The following NRG1 variants were observed in gnomAD, a reference collection of about 807,000 sequenced individuals.
NRG1 encodes pro-neuregulin-1, membrane-bound isoform.
In NRG1, 18 loss-of-function variants were observed where a neutral mutation model predicts 63.8. That is an observed-to-expected ratio of 0.28 (90% CI 0.19 to 0.42). The LOEUF (loss-of-function observed/expected upper bound fraction) is 0.42. NRG1 is among the 10% of genes least tolerant of loss of function. The pLI is 1.00. For missense variants in NRG1, 762 were observed against 814.7 expected, an observed-to-expected ratio of 0.94 and a Z score of 0.79; for synonymous variants, 302 against 301.3, an observed-to-expected ratio of 1.00 and a Z score of -0.02.
At chr8:32,461,640 C>T (rs1022308895) in intron 1 of NRG1, among the ~76,000 whole-genome samples, 4 of 152,082 alleles carry the variant, frequency 2.6e-5, no homozygotes, top group Non-Finnish European at 4.4e-5. Context: ...TGAAATGACT[C>T]TAGATCATGC....
Position 32,589,422 on chromosome 8 carries a change from G to A in NRG1, c.101-6406G>A, listed in dbSNP as rs114760998. Among the ~76,000 whole-genome samples, 502 of 152,322 alleles carry A rather than the reference G, an allele frequency of 3.3e-3. 4 individuals are homozygous for A. Among genetic ancestry groups the A allele is most frequent in the African/African-American group, 0.012 (482 of 41,586 alleles). ...TTAGCTAACATAATTGTCAGTCACC[G>A]GTTGTCACTGTGGGATCTGCACATA... On this transcript the variant is annotated intron_variant, in intron 1 of 11. Coordinates refer to ENST00000356819, the Ensembl canonical transcript of NRG1.
intron 1 of NRG1, among the ~76,000 whole-genome samples, chr8:32,113,626 A>G (rs550173747): frequency 2.0e-4 from 30 of 152,310 alleles, no homozygotes; most frequent in African/African-American, 7.0e-4. Flanking sequence ...AGAATCTGAT[A>G]TAAGTGTCTA....
intron 6 of NRG1, among the ~76,000 whole-genome samples, chr8:32,730,309 C>T (rs943029100): frequency 1.3e-5 from 2 of 151,938 alleles, no homozygotes; most frequent in Admixed American, 1.3e-4. Flanking sequence ...AATAATTAGC[C>T]GGGCATGGTG....
chr8:32,705,622 T>C (rs866809572), intron 5 of NRG1, among the ~76,000 whole-genome samples: 2 of 152,218 alleles, frequency 1.3e-5, no homozygotes, highest in African/African-American at 4.8e-5. Context: ...TACTAGTTGA[T>C]GAATTCGAAT....
intron 1 of NRG1, among the ~76,000 whole-genome samples, chr8:32,058,950 A>C (rs946981006): frequency 2.6e-5 from 4 of 152,052 alleles, no homozygotes; most frequent in Admixed American, 6.6e-5. Flanking sequence ...TTCTGCTAAA[A>C]ATACAATCAT....
At chr8:31,997,936 ATAAG>A (rs1812282361) in intron 1 of NRG1, among the ~76,000 whole-genome samples, 1 of 152,032 alleles carries the variant, frequency 6.6e-6, no homozygotes, top group Admixed American at 6.6e-5. Flanking sequence ...AATAAATGGA[ATAAG>A]TAAGTCTCAA....
At chr8:32,507,026 C>G (rs1254551850) in intron 1 of NRG1, among the ~76,000 whole-genome samples, 1 of 152,120 alleles carries the variant, frequency 6.6e-6, no homozygotes, top group Non-Finnish European at 1.5e-5. Context: ...TCCAAAGACT[C>G]TACTTTAGGG....
chr8:31,665,711 A>AT (rs201074869), intron 1 of NRG1, among the ~76,000 whole-genome samples: 129 of 152,020 alleles, frequency 8.5e-4, no homozygotes, highest in African/African-American at 2.8e-3. Context: ...CATAGGCTTT[A>AT]TTTTTTTTAA....
At chr8:32,356,465 C>T (rs1355880708) in intron 1 of NRG1, among the ~76,000 whole-genome samples, 1 of 143,370 alleles carries the variant, frequency 7.0e-6, no homozygotes, top group African/African-American at 2.7e-5. Context: ...ACAGAGTTTC[C>T]TTGTTGGGAC....
chr8:32,115,072 C>T (rs1422087460), intron 1 of NRG1, among the ~76,000 whole-genome samples: 1 of 151,806 alleles, frequency 6.6e-6, no homozygotes, highest in African/African-American at 2.4e-5. Context: ...GCTCTGTTGC[C>T]CAGGCTGGAG....
chr8:31,804,030 T>A (rs2131735269), intron 1 of NRG1, among the ~76,000 whole-genome samples: 1 of 152,300 alleles, frequency 6.6e-6, no homozygotes, highest in Non-Finnish European at 1.5e-5. Flanking sequence ...CATTACCCTA[T>A]TTTTTCATAG....
intron 1 of NRG1, among the ~76,000 whole-genome samples, chr8:32,205,702 G>A (rs1490772727): frequency 6.6e-6 from 1 of 152,154 alleles, no homozygotes; most frequent in Admixed American, 6.5e-5. Flanking sequence ...ACTTGCTACT[G>A]CTAAAGATAT....
rs539067504 is a variant in NRG1, at chr8:32,393,906, A to T, written c.38-201922A>T. 2.0e-5 allele frequency among the ~76,000 whole-genome samples: 3 copies of T among 152,244 alleles called. No individual in the cohort carries two copies. The South Asian group carries it at 6.2e-4, about 32-fold the overall frequency. Reference sequence around the variant, plus strand: ...AAATAAAAGTTTAAATAAATAAATAAACTTGGTCTCCAGTGTTAAATATGA... The same window carrying T: ...AAATAAAAGTTTAAATAAATAAATATACTTGGTCTCCAGTGTTAAATATGA... On this transcript the variant is annotated intron_variant, in intron 1 of 10. Transcript: ENST00000519301.
chr8:31,655,284 CA>C, intron 1 of NRG1, among the ~76,000 whole-genome samples: 2 of 152,194 alleles, frequency 1.3e-5, no homozygotes, highest in Admixed American at 1.3e-4. Flanking sequence ...AGAAGATAGG[CA>C]AAAGGGTTAC....
chr8:32,300,955 A>G (rs1372269596), intron 1 of NRG1, among the ~76,000 whole-genome samples: 2 of 152,228 alleles, frequency 1.3e-5, no homozygotes, highest in East Asian at 3.8e-4. Context: ...TCCTGATCAG[A>G]AAATAATACA....
chr8:32,705,292 C>A (rs6985766), intron 5 of NRG1, among the ~76,000 whole-genome samples: 5,721 of 152,052 alleles, frequency 0.038, 173 homozygotes, highest in Middle Eastern at 0.13. Context: ...CCACCACACC[C>A]GGGTAATTTT....
chr8:32,111,129 A>T (rs1831965722), intron 1 of NRG1, among the ~76,000 whole-genome samples: 1 of 151,176 alleles, frequency 6.6e-6, no homozygotes, highest in African/African-American at 2.4e-5. Flanking sequence ...CTTTCTTTTT[A>T]TTTTTGAGAC....
intron 1 of NRG1, among the ~76,000 whole-genome samples, chr8:31,755,548 C>T (rs1045040733): frequency 2.6e-5 from 4 of 152,088 alleles, no homozygotes; most frequent in East Asian, 1.9e-4. Flanking sequence ...AAGTAAATAA[C>T]GTGTTTCTTG....
chr8:31,928,411 A>G (rs1834585822), intron 1 of NRG1, among the ~76,000 whole-genome samples: 1 of 149,254 alleles, frequency 6.7e-6, no homozygotes, highest in African/African-American at 2.5e-5. Flanking sequence ...AATGTAAATT[A>G]GTACAATCTC....
Sources: gnomAD v4.1 joint callset for allele counts (sites outside exome capture counted in the v4.1 genomes callset) on GRCh38, gnomAD v4.1.1 for gene constraint, MANE v1.5 for transcripts, NCBI Gene and HGNC (gene_info 2026-07-23, HGNC 2026-07-21) for gene names.